Variants in GCH1 observed in about 807,000 individuals in gnomAD.
GCH1 encodes GTP cyclohydrolase I.
Under a neutral mutation model 25.9 loss-of-function variants are expected in GCH1, and 5 were observed. The ratio of observed to expected loss-of-function variants is 0.19; its 90% CI spans 0.10 to 0.41. GCH1 has a LOEUF of 0.41. GCH1 is among the 10% of genes least tolerant of loss of function. The pLI is 1.00. For missense variants in GCH1, 261 were observed against 336.5 expected (o/e 0.78, Z 1.75); for synonymous variants, 159 against 129.6 (o/e 1.23, Z -1.54).
chr14:54,891,238 G>A (rs566501941), intron 1 of GCH1, among the ~76,000 whole-genome samples: 235 of 152,100 alleles, frequency 1.5e-3, no homozygotes, highest in Non-Finnish European at 2.9e-3. Flanking sequence ...TAGCAGCTGG[G>A]ATTACAGGTG....
At chr14:54,871,762 A>C (rs1007094106) in intron 1 of GCH1, among the ~76,000 whole-genome samples, 1 of 152,260 alleles carries the variant, frequency 6.6e-6, no homozygotes, top group African/African-American at 2.4e-5. Flanking sequence ...GGAAGATCAA[A>C]TGAATGAAAT....
intron 3 of GCH1, among the ~76,000 whole-genome samples, chr14:54,849,851 T>C (rs1437760315): frequency 6.6e-6 from 1 of 152,248 alleles, no homozygotes; most frequent in Non-Finnish European, 1.5e-5. Flanking sequence ...ATTTAATCTA[T>C]GTCTAATCTA....
intron 2 of GCH1, 63 bp from the exon 3 acceptor site, chr14:54,859,799 T>C: frequency 1.2e-6 from 1 of 851,484 alleles, no homozygotes. Context: ...TGTGACAAAA[T>C]AAGGAAATAT....
Position 54,902,615 on chromosome 14 carries a change from T to C in GCH1, c.49A>G (p.Arg17Gly). ...RAPAEKPRGA[R>G]CSNGFPERDP... ...CGCTCGGGGAACCCATTGCTGCACC[T>C]GGCGCCCCGCGGCTTCTCCGCCGGT... Residue 17 changes from arginine (R) to glycine (G), a missense_variant, in exon 1 of 6, where the codon AGG (arginine) becomes GGG (glycine). Physicochemically the swap from Arg to Gly is moderately radical, Grantham distance 125 (BLOSUM62 -2). Around this residue, in one of 3 missense-constraint regions of GCH1, gnomAD observed 125 missense variants for 128.7 expected, o/e 0.97. Coordinates refer to ENST00000491895, the MANE Select transcript of GCH1 (RefSeq NM_000161.3). The C allele has an allele frequency of 1.3e-6, 2 of 1,489,928 alleles. No individual in the cohort carries two copies. The allele number at this position is 1,489,928 out of a possible 1,614,324, so 92.3% of individuals were successfully genotyped here.
chr14:54,859,339 C>T (rs1001033108), intron 3 of GCH1: 3 of 316,954 alleles, frequency 9.5e-6, no homozygotes, highest in African/African-American at 6.4e-5. Context: ...TTCCCCAACC[C>T]CTCACTGTTA....
rs566894384 is a variant in GCH1, at chr14:54,902,185, G to A, written c.343+136C>T. The A allele has an allele frequency of 5.9e-3, 5,414 of 924,266 alleles. 29 individuals carry two copies. Among genetic ancestry groups the A allele is most frequent in the Middle Eastern group, 0.014 (43 of 3,134 alleles). 57.3% of individuals were successfully genotyped at this position (924,266 alleles called of 1,614,324 possible). A position where few individuals can be genotyped will look rare whatever the true frequency, so the allele number is the denominator to read the frequency against. On this transcript the variant is annotated intron_variant, in intron 1 of 5. Transcript: ENST00000491895. ...CCTCGGCAGGGCGGCAGGCTAGGGC[G>A]GGTTCGGAGGTGACAGCGCCCGGCT... is the stretch of plus-strand genomic sequence containing the variant.
At chr14:54,852,843 G>A (rs1306511134) in intron 3 of GCH1, among the ~76,000 whole-genome samples, 1 of 152,152 alleles carries the variant, frequency 6.6e-6, no homozygotes, top group African/African-American at 2.4e-5. Context: ...CTCGACTCAT[G>A]GTACTCCTTG....
intron 1 of GCH1, among the ~76,000 whole-genome samples, chr14:54,886,840 C>T (rs80116807): frequency 0.067 from 10,235 of 152,138 alleles, 578 homozygotes; most frequent in Non-Finnish European, 0.1. Context: ...TCAGGAAACA[C>T]GCATCAGGGG....
intron 1 of GCH1, among the ~76,000 whole-genome samples, chr14:54,883,523 C>CA (rs1428856043): frequency 1.3e-5 from 2 of 151,380 alleles, no homozygotes; most frequent in Non-Finnish European, 1.5e-5. Context: ...ACTAAAAATA[C>CA]AAAAAATTAG....
intron 4 of GCH1, 129 bp downstream of exon 4, chr14:54,846,963 GAGGCTGC>G: frequency 2.2e-6 from 1 of 454,706 alleles, no homozygotes; most frequent in Non-Finnish European, 4.1e-6. Flanking sequence ...TTGGAAGGCT[GAGGCTGC>G]AGTGAGCCGA....
intron 3 of GCH1, among the ~76,000 whole-genome samples, chr14:54,854,879 C>A (rs2039785154): frequency 6.6e-6 from 1 of 152,150 alleles, no homozygotes; most frequent in Admixed American, 6.5e-5. Context: ...CACCCCTTAC[C>A]TATGTATCTA....
At chr14:54,888,219 C>T (rs1290603942) in intron 1 of GCH1, among the ~76,000 whole-genome samples, 2 of 152,326 alleles carry the variant, frequency 1.3e-5, no homozygotes, top group African/African-American at 2.4e-5. Context: ...AGGGCTTGAA[C>T]ATTTCCAGGG....
At chr14:54,875,126 T>C (rs2040139030) in intron 1 of GCH1, among the ~76,000 whole-genome samples, 1 of 152,062 alleles carries the variant, frequency 6.6e-6, no homozygotes, top group Non-Finnish European at 1.5e-5. Flanking sequence ...AAAACAGAGA[T>C]ATAGACCAAT....
At position 54,855,248 on chromosome 14, in the gene GCH1, G is replaced by A. The variant is rs142231703; in HGVS notation, c.509+4433C>T. ...GGGCCAGGCGCGGTGGCTCACTCCCGTAATCCCAGCACTTTGGGAGGCTGG... is the reference window on the plus strand; with the variant it reads ...GGGCCAGGCGCGGTGGCTCACTCCCATAATCCCAGCACTTTGGGAGGCTGG... On this transcript the variant is annotated intron_variant, in intron 3 of 5. Transcript: ENST00000491895. Among the ~76,000 whole-genome samples the A allele has an allele frequency of 3.4e-4, 51 of 152,132 alleles. No individual in the cohort carries two copies. The East Asian group carries it at 6.8e-3, about 20-fold the overall frequency.
intron 2 of GCH1, among the ~76,000 whole-genome samples, chr14:54,862,262 C>T (rs1158878836): frequency 1.3e-5 from 2 of 151,710 alleles, no homozygotes; most frequent in African/African-American, 4.9e-5. Flanking sequence ...AACTATTGAC[C>T]TGAAGCTATC....
intron 3 of GCH1, among the ~76,000 whole-genome samples, chr14:54,857,675 T>TA (rs1594981167): frequency 1.3e-5 from 2 of 152,354 alleles, no homozygotes; most frequent in East Asian, 3.9e-4. Context: ...ACCATAAGAA[T>TA]AACCAATTTT....
intron 1 of GCH1, among the ~76,000 whole-genome samples, chr14:54,900,509 C>A (rs2040550123): frequency 6.6e-6 from 1 of 152,124 alleles, no homozygotes; most frequent in African/African-American, 2.4e-5. Context: ...CCGAGCTCGG[C>A]CAACCAGAAC....
chr14:54,874,473 G>T (rs2040128533), intron 1 of GCH1, among the ~76,000 whole-genome samples: 1 of 152,180 alleles, frequency 6.6e-6, no homozygotes, highest in Non-Finnish European at 1.5e-5. Flanking sequence ...ATTCAACATA[G>T]TGCTGGAAGT....
At position 54,843,929 on chromosome 14, in the gene GCH1, G is replaced by A. The variant is rs1425143392; in HGVS notation, c.*88C>T. 2 of 1,612,926 alleles carry A rather than the reference G, an allele frequency of 1.2e-6. No homozygotes were observed. The highest frequency in any genetic ancestry group is 2.7e-5 in the African/African-American group (2 of 74,902). On this transcript the variant is annotated 3_prime_UTR_variant, in exon 6 of 6. Transcript: ENST00000491895. ...AATAAAGTTCACATCTGTAACAATT[G>A]AAAATGGAATGTACAAACAAGACCG...
Sources: allele counts gnomAD v4.1 joint callset (sites outside exome capture counted in the v4.1 genomes callset), GRCh38; gene constraint gnomAD v4.1.1; regional missense constraint gnomAD v4.1.1; transcripts MANE v1.5; gene names NCBI Gene and HGNC (gene_info 2026-07-23, HGNC 2026-07-21).